The following ANKRD26 variants were observed in gnomAD, a reference collection of about 807,000 sequenced individuals.
ANKRD26 encodes ankyrin repeat domain 26, also known as ankyrin repeat domain-containing protein 26.
In ANKRD26, 141 loss-of-function variants were observed where a neutral mutation model predicts 208.7. The observed-to-expected ratio is 0.68, with a 90% CI of 0.59 to 0.78. The LOEUF (loss-of-function observed/expected upper bound fraction) is 0.78, where lower values mean the gene tolerates loss of function less well. Ranked by LOEUF, ANKRD26 falls within the 30% of genes least tolerant of loss-of-function variation. The pLI is 0.00. For synonymous variants in ANKRD26, 636 were observed against 660.4 expected (o/e 0.96, Z 0.57); for missense variants, 1,889 against 1,938.7 (o/e 0.97, Z 0.48).
chr10:27,039,036 A>G (rs1564378640), intron 21 of ANKRD26, among the ~76,000 whole-genome samples: 1 of 152,258 alleles, frequency 6.6e-6, no homozygotes, highest in East Asian at 1.9e-4. Context: ...GTAAACCGTA[A>G]AGAATAATAT....
At chr10:27,071,204 C>T (rs372157968) in intron 9 of ANKRD26, among the ~76,000 whole-genome samples, 5 of 114,002 alleles carry the variant, frequency 4.4e-5, no homozygotes, top group East Asian at 2.7e-4. Flanking sequence ...CTCGCTTTGT[C>T]GCCCAGGCTG....
downstream of ANKRD26, among the ~76,000 whole-genome samples, chr10:26,987,221 A>C (rs1360384970): frequency 6.6e-6 from 1 of 152,146 alleles, no homozygotes; most frequent in Non-Finnish European, 1.5e-5. Context: ...ATAGGTGAGA[A>C]TTGAACAATG....
At chr10:27,011,375 C>T (rs1371354278) in intron 32 of ANKRD26, among the ~76,000 whole-genome samples, 1 of 152,182 alleles carries the variant, frequency 6.6e-6, no homozygotes. Flanking sequence ...TCAAGCAATC[C>T]TCCTGCCCCA....
chr10:27,076,529 T>C (rs2055704793), intron 9 of ANKRD26, among the ~76,000 whole-genome samples: 1 of 152,076 alleles, frequency 6.6e-6, no homozygotes. Context: ...CCTCCCAAAG[T>C]GCTGGGATTA....
intron 32 of ANKRD26, among the ~76,000 whole-genome samples, chr10:27,010,451 T>C (rs1454903441): frequency 6.6e-6 from 1 of 152,146 alleles, no homozygotes; most frequent in Non-Finnish European, 1.5e-5. Flanking sequence ...AATGAGAAAA[T>C]TTTATATTTG....
downstream of ANKRD26, among the ~76,000 whole-genome samples, chr10:26,973,810 C>T (rs1412135348): frequency 4.6e-5 from 7 of 151,636 alleles, no homozygotes; most frequent in East Asian, 1.9e-4. Flanking sequence ...CACACCACCA[C>T]GCCTGGCTAA....
At chr10:26,978,850 T>A (rs2052264793) in intron 5 of ANKRD26, among the ~76,000 whole-genome samples, 1 of 152,178 alleles carries the variant, frequency 6.6e-6, no homozygotes, top group Non-Finnish European at 1.5e-5. Flanking sequence ...TCCATTTAAG[T>A]GGATTCATAA....
At position 27,100,103 on chromosome 10, in the gene ANKRD26, T is replaced by G; in HGVS notation, c.224A>C (p.Asp75Ala). The change falls in exon 1 of 34, where the codon GAT (aspartate) becomes GCT (alanine). Residue 75 changes from aspartate to alanine, a missense_variant. This residue lies in a region of ANKRD26 where 1,272 missense variants were observed against 1,273.8 expected (regional missense o/e 1.00). Coordinates refer to ENST00000376087, the MANE Select transcript of ANKRD26 (RefSeq NM_014915.3). The stretch of plus-strand genomic sequence containing the variant: ...CTATTACCTGTTCATCTTGTCTCTA[T>G]CGTTCAAGCCATTCTTCCTGAGCAA... ...ILLLRKNGLNDRDKMNRTALH... is the reference protein window; with the variant it reads ...ILLLRKNGLNARDKMNRTALH... 1 of 1,614,074 alleles carries G rather than the reference T, an allele frequency of 6.2e-7. No individual in the cohort carries two copies. The highest frequency in any genetic ancestry group is 8.5e-7 in the Non-Finnish European group (1 of 1,179,970).
chr10:27,042,156 C>T (rs1383366784), intron 20 of ANKRD26, among the ~76,000 whole-genome samples: 1 of 152,068 alleles, frequency 6.6e-6, no homozygotes, highest in East Asian at 1.9e-4. Flanking sequence ...ATGTACGCAG[C>T]CAACATATTT....
chr10:27,060,222 T>A lies in ANKRD26; in HGVS notation c.1564+123A>T, dbSNP rs1040683323. On this transcript the variant is annotated intron_variant, in intron 15 of 33. Coordinates refer to ENST00000376087, the MANE Select transcript of ANKRD26 (RefSeq NM_014915.3). Reference sequence around the variant, plus strand: ...GGTCTCAATTAAAAAAAAATTTTTTTAAATCCTTCCAACAAATTTGGAGAA... The same window carrying A: ...GGTCTCAATTAAAAAAAAATTTTTTAAAATCCTTCCAACAAATTTGGAGAA... The A allele has an allele frequency of 1.2e-5, 12 of 1,010,226 alleles. No individual in the cohort carries two copies. The African/African-American group carries it at 1.3e-4, about 11-fold the overall frequency. 62.6% of individuals were successfully genotyped at this position (1,010,226 alleles called of 1,614,324 possible). A position where few individuals can be genotyped will look rare whatever the true frequency, so the allele number is the denominator to read the frequency against.
chr10:27,091,419 T>C (rs1237960657), intron 4 of ANKRD26, among the ~76,000 whole-genome samples: 1 of 152,160 alleles, frequency 6.6e-6, no homozygotes, highest in Non-Finnish European at 1.5e-5. Context: ...AAAGCTGTCT[T>C]TCTTCCCTTT....
chr10:26,985,416 C>A (rs1321838010), intron 3 of ANKRD26, among the ~76,000 whole-genome samples: 2 of 152,168 alleles, frequency 1.3e-5, no homozygotes, highest in African/African-American at 4.8e-5. Context: ...AGGTTCACAT[C>A]ATATTTCGCT....
At chr10:27,086,736 A>G (rs1447523290) in intron 4 of ANKRD26, 127 bp from the exon 5 acceptor site, 1 of 968,444 alleles carries the variant, frequency 1.0e-6, no homozygotes, top group African/African-American at 1.7e-5. Context: ...TATCCCATAC[A>G]CTTCAAATAT....
rs752171605 is a variant in ANKRD26, at chr10:27,037,217, A to G, written c.2666T>C (p.Ile889Thr). ...ATTCATTTTCTTTTGAGCCATTTCA[A>G]TCTCCTTTTGTTTGGAAAGGTGATT... ...LTNHLSKQKE[I>T]EMAQKKMNSE... The change falls in exon 23 of 34, where the codon ATT becomes ACT. Residue 889 changes from isoleucine (I) to threonine (T), a missense_variant. By Grantham distance (89) the Ile-to-Thr change is moderately conservative. Around this residue, in one of 3 missense-constraint regions of ANKRD26, gnomAD observed 1,272 missense variants for 1,273.8 expected, o/e 1.00. Coordinates refer to ENST00000376087, the MANE Select transcript of ANKRD26 (RefSeq NM_014915.3). The G allele has an allele frequency of 1.3e-5, 21 of 1,613,686 alleles. No homozygotes were observed. Among genetic ancestry groups the G allele is most frequent in the Non-Finnish European group, 1.7e-5 (20 of 1,179,736 alleles).
At chr10:26,984,267 G>T (rs1444316190) in intron 3 of ANKRD26, among the ~76,000 whole-genome samples, 1 of 152,088 alleles carries the variant, frequency 6.6e-6, no homozygotes, top group African/African-American at 2.4e-5. Context: ...GGCATGGGTG[G>T]GCCAGTGTCT....
intron 18 of ANKRD26, 41 bp from the exon 19 acceptor site, chr10:27,044,231 T>TA: frequency 7.2e-7 from 1 of 1,396,606 alleles, no homozygotes; most frequent in South Asian, 1.2e-5. Context: ...AGTAAACATG[T>TA]AAAATGCAAG....
chr10:27,013,368 T>G (rs2134907382), intron 31 of ANKRD26, among the ~76,000 whole-genome samples: 1 of 152,236 alleles, frequency 6.6e-6, no homozygotes, highest in South Asian at 2.1e-4. Flanking sequence ...GGGAAGAAAA[T>G]GGCTACCAAT....
At chr10:26,950,621 T>A in the ANKRD26 span, among the ~76,000 whole-genome samples, 1 of 152,252 alleles carries the variant, frequency 6.6e-6, no homozygotes, top group African/African-American at 2.4e-5. Flanking sequence ...TCCCAGTCTC[T>A]CCATGTGAGA....
intron 30 of ANKRD26, among the ~76,000 whole-genome samples, chr10:27,015,903 G>A (rs2134947326): frequency 6.6e-6 from 1 of 152,208 alleles, no homozygotes; most frequent in East Asian, 1.9e-4. Flanking sequence ...ATGTTATTAA[G>A]TAGATTTTTA....
Sources: gnomAD v4.1 joint callset for allele counts (sites outside exome capture counted in the v4.1 genomes callset) on GRCh38, gnomAD v4.1.1 for gene constraint, gnomAD v4.1.1 regional missense constraint, MANE v1.5 for transcripts, NCBI Gene and HGNC (gene_info 2026-07-23, HGNC 2026-07-21) for gene names.